Variants in ZFR2 observed in about 807,000 individuals in gnomAD.
The protein encoded by ZFR2 is zinc finger RNA binding protein 2.
A neutral mutation model predicts 105.7 loss-of-function variants in ZFR2; 104 were observed. That is an observed-to-expected ratio of 0.98 (90% CI 0.84 to 1.16). The LOEUF is 1.16. Among genes scored for constraint, ZFR2 ranks in the 50% most tolerant of loss-of-function variants. ZFR2 has a pLI of 0.00. For missense variants in ZFR2, 1,425 were observed against 1,355.5 expected (o/e 1.05, Z -0.80); for synonymous variants, 634 against 597.7 (o/e 1.06, Z -0.89).
intron 7 of ZFR2, 52 bp downstream of exon 7, chr19:3,825,178 T>C (rs2037934788): frequency 1.4e-6 from 2 of 1,406,828 alleles, no homozygotes; most frequent in Non-Finnish European, 1.8e-6. Flanking sequence ...AAACTTTCAC[T>C]AGGCGGCCAG....
Position 3,806,063 on chromosome 19 carries a change from C to A in ZFR2, c.2706G>T (p.Pro902=), listed in dbSNP as rs199700045. The A allele has an allele frequency of 1.3e-6, 2 of 1,531,792 alleles. No individual in the cohort carries two copies. Among genetic ancestry groups the A allele is most frequent in the Admixed American group, 2.0e-5 (1 of 49,848 alleles). The allele number at this position is 1,531,792 out of a possible 1,614,324, so 94.9% of individuals were successfully genotyped here. ...AGCGGGCCCCCAGCCGGTGTCTGGGCGGCAGGAGATCCATGCCCAGGACCT... is the reference window on the plus strand; with the variant it reads ...AGCGGGCCCCCAGCCGGTGTCTGGGAGGCAGGAGATCCATGCCCAGGACCT... ...THKVLGMDLL[P]PRHRLGARFR... is the part of the protein sequence containing the mutation. The change falls in exon 19 of 19, where the codon CCG becomes CCT. Residue 902 remains proline (P), a synonymous_variant. Coordinates refer to ENST00000262961, the MANE Select transcript of ZFR2 (RefSeq NM_015174.2).
chr19:3,835,987 C>T (rs2038073821), intron 1 of ZFR2, among the ~76,000 whole-genome samples: 1 of 152,016 alleles, frequency 6.6e-6, no homozygotes, highest in Non-Finnish European at 1.5e-5. Context: ...ACAGCTGTCC[C>T]TCACTATCTG....
Position 3,823,066 on chromosome 19 carries a change from A to G in ZFR2, c.1371+180T>C, listed in dbSNP as rs1260666127. 6.6e-6 allele frequency among the ~76,000 whole-genome samples: 1 copy of G among 152,138 alleles called. No individual in the cohort carries two copies. Among genetic ancestry groups the G allele is most frequent in the Non-Finnish European group, 1.5e-5 (1 of 68,016 alleles). On this transcript the variant is annotated intron_variant, in intron 8 of 18. Transcript: ENST00000262961. This position sits in a 1 kb window ranked among gnomAD's most constrained non-coding sequence, Gnocchi z 5.4. The stretch of plus-strand genomic sequence containing the variant: ...TTTCCTGCTGATACCAAAATCCGGC[A>G]CCCAAAGTGTCAAGCGGGTCTGCAC...
intron 7 of ZFR2, among the ~76,000 whole-genome samples, chr19:3,825,003 C>T (rs945271649): frequency 6.6e-6 from 1 of 152,172 alleles, no homozygotes; most frequent in Non-Finnish European, 1.5e-5. Context: ...GTTCTGCCAG[C>T]ACTCTCTGGA....
intron 1 of ZFR2, among the ~76,000 whole-genome samples, chr19:3,850,767 A>C (rs985520460): frequency 2.0e-5 from 3 of 151,492 alleles, no homozygotes; most frequent in Non-Finnish European, 2.9e-5. Flanking sequence ...AACACACACA[A>C]AAAAACCACA....
In ZFR2 at chr19:3,811,301, C is replaced by A; in HGVS notation, c.2308G>T (p.Ala770Ser). Residue 770 changes from alanine to serine, a missense_variant, in exon 15 of 19, where the codon GCC (alanine) becomes TCC (serine). Ala to Ser is a moderately conservative substitution (Grantham distance 99). Coordinates refer to ENST00000262961, the MANE Select transcript of ZFR2 (RefSeq NM_015174.2). ...AACCACCTGGCATGACGGAGGGCGGCCAGGGACTCGAGGCACTTCTTGGGG... is the reference window on the plus strand; with the variant it reads ...AACCACCTGGCATGACGGAGGGCGGACAGGGACTCGAGGCACTTCTTGGGG... The part of the protein sequence containing the change: ...LSPKKCLESL[A>S]ALRHARWFQA... The A allele has an allele frequency of 2.5e-6, 4 of 1,603,460 alleles. No individual in the cohort carries two copies. The highest frequency in any genetic ancestry group is 3.4e-6 in the Non-Finnish European group (4 of 1,175,794).
At chr19:3,822,222 C>T (rs1223604894) in intron 8 of ZFR2, 22 bp from the exon 9 acceptor site, 2 of 1,564,594 alleles carry the variant, frequency 1.3e-6, no homozygotes, top group East Asian at 2.4e-5. Context: ...AACAGCCGCA[C>T]GCGCACCAGG....
intron 1 of ZFR2, 95 bp from the exon 2 acceptor site, chr19:3,835,078 T>C (rs2145165097): frequency 7.1e-7 from 1 of 1,405,398 alleles, no homozygotes; most frequent in African/African-American, 1.4e-5. Flanking sequence ...CCACTGGACC[T>C]GAGCTGCCCT....
At chr19:3,830,897 A>C (rs189989876) in intron 5 of ZFR2, among the ~76,000 whole-genome samples, 9 of 152,062 alleles carry the variant, frequency 5.9e-5, no homozygotes, top group Non-Finnish European at 1.2e-4. Context: ...GCACGCATGC[A>C]CACACACACA....
In ZFR2 at chr19:3,827,655, T is replaced by C; in HGVS notation, c.853-2A>G. ...CCCTCCCAGATGTTCCCGGTAGGTC[T>C]GCGGCAAGGGGTGAGAGGCAGCCTG... On this transcript the variant is annotated splice_acceptor_variant, in intron 5 of 18. Coordinates refer to ENST00000262961, the MANE Select transcript of ZFR2 (RefSeq NM_015174.2). LOFTEE classifies it high-confidence loss of function. 1 of 1,575,868 alleles carries C rather than the reference T, an allele frequency of 6.3e-7. No homozygotes were observed. The highest frequency in any genetic ancestry group is 8.6e-7 in the Non-Finnish European group (1 of 1,161,140).
At chr19:3,863,099 C>A (rs952432172) in intron 1 of ZFR2, among the ~76,000 whole-genome samples, 2 of 152,172 alleles carry the variant, frequency 1.3e-5, no homozygotes, top group Non-Finnish European at 2.9e-5. Context: ...ACGGGGTTGG[C>A]CTTGGTGGGT....
Position 3,807,584 on chromosome 19 carries a change from CGT to C in ZFR2, c.2546-317_2546-316del, listed in dbSNP as rs777428108. Among the ~76,000 whole-genome samples the C allele has an allele frequency of 5.5e-4, 82 of 148,702 alleles. 2 individuals are homozygous for C. The highest frequency in any genetic ancestry group is 7.3e-4 in the Admixed American group (10 of 13,778). On this transcript the variant is annotated intron_variant, in intron 17 of 18. Coordinates refer to ENST00000262961, the MANE Select transcript of ZFR2 (RefSeq NM_015174.2). ...GTGTGTCCATGCGTGCCCATGTGCA[CGT>C]GTGTGTCCGTGTGTGCACGTGTGTG...
rs745337634 is a variant in ZFR2 at position 3,822,157 on chromosome 19, A to G, written c.1415T>C (p.Leu472Pro). 4.4e-6 allele frequency: 7 copies of G among 1,608,862 alleles called. No homozygotes were observed. The South Asian group carries it at 5.6e-5, about 13-fold the overall frequency. Reference sequence around the variant, plus strand: ...AAGGTCGTTGAAACTGCACTCGCACAGCTTGCAGTGGAAGCGAAGCACTCG... The same window carrying G: ...AAGGTCGTTGAAACTGCACTCGCACGGCTTGCAGTGGAAGCGAAGCACTCG... ...EGRVLRFHCK[L>P]CECSFNDLNA... is the part of the protein sequence containing the mutation. Residue 472 changes from leucine (L) to proline (P), a missense_variant, in exon 9 of 19, where the codon CTG becomes CCG. Physicochemically the swap from Leu to Pro is moderately conservative, Grantham distance 98 (BLOSUM62 -3). Transcript: ENST00000262961.
chr19:3,825,476 G>C, intron 6 of ZFR2, 69 bp from the exon 7 acceptor site: 2 of 1,508,664 alleles, frequency 1.3e-6, no homozygotes, highest in Non-Finnish European at 1.8e-6. Flanking sequence ...TCAAGAGGCA[G>C]GAAGGGCCTC....
chr19:3,861,383 T>C (rs1466364121), intron 1 of ZFR2, among the ~76,000 whole-genome samples: 1 of 152,100 alleles, frequency 6.6e-6, no homozygotes, highest in Admixed American at 6.6e-5. Flanking sequence ...TCCCAGCACT[T>C]TGGGAGGCCG....
Position 3,820,169 on chromosome 19 carries a change from A to G in ZFR2, c.1740+13T>C, listed in dbSNP as rs1599227071. 6 of 1,551,108 alleles carry G rather than the reference A, an allele frequency of 3.9e-6. No homozygotes were observed. The East Asian group carries it at 9.8e-5, about 25-fold the overall frequency. ...GGTCGCCCGCGTTTGCACACAGAGG[A>G]AACTGTACCTACCTGGAGTGGGGCG... is the stretch of plus-strand genomic sequence containing the variant. On this transcript the variant is annotated intron_variant, in intron 11 of 18. Coordinates refer to ENST00000262961, the MANE Select transcript of ZFR2 (RefSeq NM_015174.2).
chr19:3,858,737 G>C lies in ZFR2; in HGVS notation c.53+10228C>G, dbSNP rs2038336612. Among the ~76,000 whole-genome samples, 1 of 152,208 alleles carries C rather than the reference G, an allele frequency of 6.6e-6. No homozygotes were observed. The highest frequency in any genetic ancestry group is 1.5e-5 in the Non-Finnish European group (1 of 68,042). ...GGAGGCTGAGGCAGGAGAATCACTT[G>C]AACCTGGGAGGCAGAGGTTGCAGTG... On this transcript the variant is annotated intron_variant, in intron 1 of 18. Transcript: ENST00000262961. The surrounding 1 kb of genome is among the most constrained non-coding windows in gnomAD (Gnocchi z 4.3).
At position 3,838,196 on chromosome 19, in the gene ZFR2, A is replaced by G. The variant is rs1257818184; in HGVS notation, c.54-3213T>C. 1.3e-5 allele frequency among the ~76,000 whole-genome samples: 2 copies of G among 152,028 alleles called. No individual in the cohort carries two copies. The highest frequency in any genetic ancestry group is 4.8e-5 in the African/African-American group (2 of 41,390). On this transcript the variant is annotated intron_variant, in intron 1 of 18. Transcript: ENST00000262961. The surrounding 1 kb of genome is among the most constrained non-coding windows in gnomAD (Gnocchi z 4.9). ...ACACCATGACCGTGACACCCGATGA[A>G]CATCCCGACAATACATTCGATGAAC...
chr19:3,816,819 A>G lies in ZFR2; in HGVS notation c.1958T>C (p.Leu653Pro), dbSNP rs188290331. 1,057 of 1,575,582 alleles carry G rather than the reference A, an allele frequency of 6.7e-4. 1 individual carries two copies. Among genetic ancestry groups the G allele is most frequent in the Admixed American group, 1.1e-3 (57 of 53,338 alleles). The change falls in exon 13 of 19, where the codon CTG (leucine) becomes CCG (proline). Residue 653 changes from leucine (L) to proline (P), a missense_variant. Leu to Pro is a moderately conservative substitution (Grantham distance 98). Coordinates refer to ENST00000262961, the MANE Select transcript of ZFR2 (RefSeq NM_015174.2). ...RSSVAPQTRV[L>P]KGVMRVGILA... ...GATGCCTACTCGCATGACGCCTTTC[A>G]GGACCCGAGTCTGGGGGGCAACGCT...
Sources: gnomAD v4.1 joint callset for allele counts (sites outside exome capture counted in the v4.1 genomes callset) on GRCh38, gnomAD v4.1.1 for gene constraint, Gnocchi (gnomAD v3.1) non-coding constraint, MANE v1.5 for transcripts, NCBI Gene and HGNC (gene_info 2026-07-23, HGNC 2026-07-21) for gene names.